The following FARSB variants were observed in gnomAD, a reference collection of about 807,000 sequenced individuals.
FARSB encodes phenylalanyl-tRNA synthetase subunit beta.
FARSB carries 40 observed loss-of-function variants against 69.6 expected under a neutral mutation model. The ratio of observed to expected loss-of-function variants is 0.57; its 90% CI spans 0.45 to 0.75. The LOEUF (loss-of-function observed/expected upper bound fraction) is 0.75, where lower values mean the gene tolerates loss of function less well. Among genes scored for constraint, FARSB ranks in the 30% least tolerant of loss-of-function variants. The pLI, the probability that FARSB is intolerant of heterozygous loss-of-function variation, is 0.00. For synonymous variants in FARSB, 235 were observed against 247.2 expected, an observed-to-expected ratio of 0.95 and a Z score of 0.46; for missense variants, 632 against 722.9, an observed-to-expected ratio of 0.87 and a Z score of 1.44.
At chr2:222,621,169 G>A (rs1691125430) in intron 13 of FARSB, among the ~76,000 whole-genome samples, 1 of 152,196 alleles carries the variant, frequency 6.6e-6, no homozygotes, top group South Asian at 2.1e-4. Flanking sequence ...CAGACACATG[G>A]CAACGCAGCT....
rs1691762028 is a variant in FARSB, at chr2:222,643,001, G to C, written c.119C>G (p.Ser40Cys). Residue 40 changes from serine (S) to cysteine (C), a missense_variant, in exon 3 of 17, where the codon TCT (serine) becomes TGT (cysteine). Physicochemically the swap from Ser to Cys is moderately radical, Grantham distance 112. Transcript: ENST00000281828. The part of the protein sequence containing the change: ...EFGLELDEIT[S>C]EKEIISKEQG... ...TTCTTTACTTATTATTTCCTTCTCA[G>C]ATGTCTAAAACAAGCCAAAAAGTAA... is the stretch of plus-strand genomic sequence containing the variant. 6.3e-7 allele frequency: 1 copy of C among 1,583,330 alleles called. No individual in the cohort carries two copies. The highest frequency in any genetic ancestry group is 1.8e-5 in the Admixed American group (1 of 54,980).
chr2:222,650,184 C>T (rs1331575915), intron 1 of FARSB, among the ~76,000 whole-genome samples: 1 of 152,152 alleles, frequency 6.6e-6, no homozygotes, highest in Middle Eastern at 3.2e-3. Flanking sequence ...AATTTGGAAA[C>T]TCTTAAGTAG....
intron 16 of FARSB, among the ~76,000 whole-genome samples, chr2:222,598,026 A>T (rs1050377543): frequency 6.6e-6 from 1 of 152,188 alleles, no homozygotes; most frequent in East Asian, 1.9e-4. Context: ...GTTTCCAAAC[A>T]TACAGCCTGT....
intron 15 of FARSB, among the ~76,000 whole-genome samples, chr2:222,609,421 T>C (rs1042342475): frequency 2.0e-5 from 3 of 152,226 alleles, no homozygotes; most frequent in Non-Finnish European, 2.9e-5. Flanking sequence ...CAGCCTGATA[T>C]GGCAGCTTCA....
rs185851709 is a variant in FARSB, at chr2:222,637,109, G to A, written c.455+2471C>T. 7.4e-3 allele frequency among the ~76,000 whole-genome samples: 1,120 copies of A among 152,252 alleles called. 6 individuals are homozygous for A. The highest frequency in any genetic ancestry group is 0.013 in the Non-Finnish European group (880 of 68,014). On this transcript the variant is annotated intron_variant, in intron 5 of 16. Coordinates refer to ENST00000281828, the MANE Select transcript of FARSB (RefSeq NM_005687.5). Reference sequence around the variant, plus strand: ...GAAAAGTAAAATAACTGAAGTAAAAGACTCACTAGGCACTTCAAGCCAAGA... The same window carrying A: ...GAAAAGTAAAATAACTGAAGTAAAAAACTCACTAGGCACTTCAAGCCAAGA...
At chr2:222,592,094 A>G (rs1690288147) in intron 16 of FARSB, among the ~76,000 whole-genome samples, 1 of 152,196 alleles carries the variant, frequency 6.6e-6, no homozygotes, top group Admixed American at 6.6e-5. Context: ...GTAAGTGAGG[A>G]TTAGTTTCAG....
intron 16 of FARSB, among the ~76,000 whole-genome samples, chr2:222,599,575 T>A (rs942022294): frequency 2.0e-5 from 3 of 152,204 alleles, no homozygotes; most frequent in Non-Finnish European, 4.4e-5. Flanking sequence ...GTGCAAACCA[T>A]CACTTTAGGT....
At chr2:222,618,139 A>G (rs1426972633) in intron 14 of FARSB, among the ~76,000 whole-genome samples, 1 of 152,192 alleles carries the variant, frequency 6.6e-6, no homozygotes, top group East Asian at 1.9e-4. Flanking sequence ...TAGTATAAGG[A>G]TTCTTCAAAG....
At chr2:222,645,612 T>C (rs1236235104) in intron 2 of FARSB, among the ~76,000 whole-genome samples, 1 of 136,598 alleles carries the variant, frequency 7.3e-6, no homozygotes, top group African/African-American at 2.7e-5. Flanking sequence ...AATTAAAGTA[T>C]GTCTTTTTTT....
chr2:222,653,006 G>C (rs138108904), intron 1 of FARSB, among the ~76,000 whole-genome samples: 34 of 152,232 alleles, frequency 2.2e-4, no homozygotes, highest in South Asian at 4.1e-4. Flanking sequence ...CTAACGAAAT[G>C]ACACATCAAG....
chr2:222,648,390 C>T (rs1250449709), intron 2 of FARSB, among the ~76,000 whole-genome samples: 1 of 152,150 alleles, frequency 6.6e-6, no homozygotes, highest in Admixed American at 6.5e-5. Flanking sequence ...GGCAGGGTAA[C>T]TCTGGTTGAA....
intron 14 of FARSB, among the ~76,000 whole-genome samples, chr2:222,615,588 C>T (rs1038105670): frequency 6.6e-6 from 1 of 152,194 alleles, no homozygotes; most frequent in African/African-American, 2.4e-5. Context: ...TCTGCTCCTA[C>T]ATTCTTCCTC....
intron 15 of FARSB, among the ~76,000 whole-genome samples, chr2:222,600,512 A>T (rs1690531546): frequency 1.3e-5 from 2 of 152,216 alleles, no homozygotes; most frequent in South Asian, 4.1e-4. Context: ...TAAAATTATA[A>T]ACAACCTATA....
intron 10 of FARSB, among the ~76,000 whole-genome samples, chr2:222,625,327 TA>T (rs1559208003): frequency 6.6e-6 from 1 of 152,244 alleles, no homozygotes; most frequent in Non-Finnish European, 1.5e-5. Flanking sequence ...CACACACACA[TA>T]AATCCCAGGC....
At chr2:222,642,040 G>T (rs1305823649) in intron 3 of FARSB, among the ~76,000 whole-genome samples, 2 of 145,908 alleles carry the variant, frequency 1.4e-5, no homozygotes, top group Admixed American at 1.4e-4. Flanking sequence ...TCCCTCTGCT[G>T]CCCAGGCTGG....
At chr2:222,613,954 C>A (rs1690928581) in intron 14 of FARSB, 26 bp from the exon 15 acceptor site, 1 of 1,419,374 alleles carries the variant, frequency 7.0e-7, no homozygotes, top group African/African-American at 1.4e-5. Flanking sequence ...TGAAATTGCA[C>A]TGACCAAATA....
chr2:222,602,474 G>T (rs1310250258), intron 15 of FARSB, among the ~76,000 whole-genome samples: 1 of 151,902 alleles, frequency 6.6e-6, no homozygotes, highest in African/African-American at 2.4e-5. Context: ...AAACAGAGTG[G>T]CAATAATTTG....
At chr2:222,611,568 C>T (rs1385437165) in intron 15 of FARSB, among the ~76,000 whole-genome samples, 1 of 152,128 alleles carries the variant, frequency 6.6e-6, no homozygotes, top group Non-Finnish European at 1.5e-5. Context: ...CCACCTTGGC[C>T]TCCCAAAGTG....
chr2:222,648,707 T>A (rs1429081727), intron 2 of FARSB, 33 bp downstream of exon 2: 4 of 1,348,882 alleles, frequency 3.0e-6, no homozygotes, highest in Non-Finnish European at 1.1e-6. Flanking sequence ...ATGCACACAA[T>A]CTTTGAAAAA....
Sources: allele counts gnomAD v4.1 joint callset (sites outside exome capture counted in the v4.1 genomes callset), GRCh38; gene constraint gnomAD v4.1.1; transcripts MANE v1.5; gene names NCBI Gene and HGNC (gene_info 2026-07-23, HGNC 2026-07-21).